The following DCLK1 variants were observed in gnomAD, a reference collection of about 807,000 sequenced individuals.
DCLK1 encodes doublecortin like kinase 1, also known as serine/threonine-protein kinase DCLK1.
In DCLK1, 16 loss-of-function variants were observed where a neutral mutation model predicts 86.2. The ratio of observed to expected loss-of-function variants is 0.19; its 90% CI spans 0.13 to 0.28. DCLK1 has a LOEUF of 0.28. DCLK1 is among the 10% of genes least tolerant of loss of function. The pLI, the probability that DCLK1 is intolerant of heterozygous loss-of-function variation, is 1.00. For missense variants in DCLK1, 590 were observed against 940.2 expected, an observed-to-expected ratio of 0.63 and a Z score of 4.87; for synonymous variants, 369 against 370.5, an observed-to-expected ratio of 1.00 and a Z score of 0.05.
At chr13:35,869,164 A>G (rs774946852) in intron 5 of DCLK1, 10 of 503,704 alleles carry the variant, frequency 2.0e-5, no homozygotes, top group African/African-American at 1.4e-4. Flanking sequence ...ACAGAGCTCA[A>G]TATTAACCTG....
chr13:35,948,994 A>T (rs1877526996), intron 3 of DCLK1, among the ~76,000 whole-genome samples: 1 of 152,156 alleles, frequency 6.6e-6, no homozygotes, highest in South Asian at 2.1e-4. Flanking sequence ...TTCTTCTAGC[A>T]TCATCTCAAT....
At chr13:35,877,282 C>T (rs942476889) in intron 4 of DCLK1, among the ~76,000 whole-genome samples, 1 of 152,166 alleles carries the variant, frequency 6.6e-6, no homozygotes, top group African/African-American at 2.4e-5. Flanking sequence ...TGGCCACATT[C>T]CCGGTGGCAG....
intron 3 of DCLK1, among the ~76,000 whole-genome samples, chr13:36,100,179 CAAAAAAAAAAAAAAAAAAA>C (rs58824322): frequency 2.4e-4 from 9 of 37,690 alleles, no homozygotes; most frequent in African/African-American, 7.8e-4. Context: ...CCTGTCTCTA[CAAAAAAAAAAAAAAAAAAA>C]AAAAAAAAAA....
chr13:36,090,653 C>T (rs1361262668), intron 3 of DCLK1, among the ~76,000 whole-genome samples: 1 of 152,134 alleles, frequency 6.6e-6, no homozygotes, highest in Non-Finnish European at 1.5e-5. Flanking sequence ...TCCAGGCCCA[C>T]CGTGAGAGCT....
chr13:36,100,563 C>T (rs1019793438), intron 3 of DCLK1, among the ~76,000 whole-genome samples: 1 of 152,106 alleles, frequency 6.6e-6, no homozygotes, highest in African/African-American at 2.4e-5. Flanking sequence ...GTATACAGAC[C>T]CCACTTATTT....
rs138217897 is a variant in DCLK1 at position 36,063,326 on chromosome 13, A to G, written c.723+48543T>C. On this transcript the variant is annotated intron_variant, in intron 3 of 16. Transcript: ENST00000360631. ...CCCAGGGATATTACAAGCGATGAAG[A>G]CAACAATGCTGAAGAGCCAGAGAGA... is the stretch of plus-strand genomic sequence containing the variant. 1.1e-3 allele frequency among the ~76,000 whole-genome samples: 174 copies of G among 152,254 alleles called. 1 individual carries two copies. The highest frequency in any genetic ancestry group is 4.0e-3 in the African/African-American group (167 of 41,560).
chr13:36,120,370 G>C (rs978295014), intron 2 of DCLK1, among the ~76,000 whole-genome samples: 1 of 152,098 alleles, frequency 6.6e-6, no homozygotes, highest in Non-Finnish European at 1.5e-5. Context: ...CCTTTTCTAT[G>C]TCTAGAGATG....
chr13:35,961,340 A>G (rs1270597347), intron 3 of DCLK1, among the ~76,000 whole-genome samples: 2 of 152,202 alleles, frequency 1.3e-5, no homozygotes, highest in African/African-American at 4.8e-5. Flanking sequence ...TTACTCTCAG[A>G]GTCAACTACC....
intron 8 of DCLK1, among the ~76,000 whole-genome samples, chr13:35,833,797 G>A (rs1389865269): frequency 6.6e-6 from 1 of 152,182 alleles, no homozygotes; most frequent in African/African-American, 2.4e-5. Context: ...TTAGAAGAAT[G>A]TTTTCTGATA....
intron 4 of DCLK1, among the ~76,000 whole-genome samples, chr13:35,931,594 C>G (rs1274624819): frequency 6.6e-6 from 1 of 151,698 alleles, no homozygotes; most frequent in Non-Finnish European, 1.5e-5. Context: ...ATGTTCTGTT[C>G]TAGGTGCCAT....
intron 6 of DCLK1, chr13:35,846,989 C>A (rs1318708250): frequency 1.0e-6 from 1 of 985,126 alleles, no homozygotes; most frequent in Middle Eastern, 5.2e-4. Context: ...TATTTATGTT[C>A]CAACATTATA....
intron 3 of DCLK1, among the ~76,000 whole-genome samples, chr13:36,025,918 C>T (rs1882014119): frequency 1.3e-5 from 2 of 151,298 alleles, no homozygotes; most frequent in South Asian, 2.1e-4. Context: ...CAACAATTTA[C>T]GTATCTAAGT....
chr13:35,778,489 C>T (rs543264765), intron 16 of DCLK1, among the ~76,000 whole-genome samples: 2 of 152,292 alleles, frequency 1.3e-5, no homozygotes, highest in African/African-American at 4.8e-5. Flanking sequence ...TGACCCTACT[C>T]CTATCTCTGG....
chr13:35,959,500 G>C (rs1308367598), intron 3 of DCLK1, among the ~76,000 whole-genome samples: 1 of 152,176 alleles, frequency 6.6e-6, no homozygotes, highest in Non-Finnish European at 1.5e-5. Flanking sequence ...AAGTAGGCCA[G>C]ATTGATTAAT....
intron 3 of DCLK1, among the ~76,000 whole-genome samples, chr13:36,039,143 A>G (rs1288460054): frequency 1.3e-5 from 2 of 152,224 alleles, no homozygotes; most frequent in Non-Finnish European, 2.9e-5. Flanking sequence ...AAAGATATAA[A>G]TATCTCATTT....
At chr13:36,043,957 A>C (rs1246287200) in intron 3 of DCLK1, among the ~76,000 whole-genome samples, 7 of 152,190 alleles carry the variant, frequency 4.6e-5, no homozygotes, top group African/African-American at 1.7e-4. Flanking sequence ...TATAGTCTGG[A>C]TATCTGTCCC....
rs1432736313 is a variant in DCLK1 at position 35,927,216 on chromosome 13, T to C, written c.823+20142A>G. Among the ~76,000 whole-genome samples, 5 of 152,232 alleles carry C rather than the reference T, an allele frequency of 3.3e-5. No individual in the cohort carries two copies. The East Asian group carries it at 7.7e-4, about 23-fold the overall frequency. On this transcript the variant is annotated intron_variant, in intron 4 of 16. Transcript: ENST00000360631. ...GAAGGAAATAATACATTGTGTGAAA[T>C]ATAAAGTCTACTCTACAAGCAAATG...
intron 3 of DCLK1, among the ~76,000 whole-genome samples, chr13:36,102,971 G>A (rs2138166601): frequency 6.6e-6 from 1 of 152,332 alleles, no homozygotes; most frequent in South Asian, 2.1e-4. Flanking sequence ...AAGTTAGAGA[G>A]GGAATGGCTT....
chr13:35,839,214 T>A, intron 6 of DCLK1, 38 bp from the exon 7 acceptor site: 1 of 1,536,364 alleles, frequency 6.5e-7, no homozygotes, highest in Non-Finnish European at 8.8e-7. Context: ...AAAAACTGGG[T>A]CAGAATGCCT....
Sources: allele counts gnomAD v4.1 joint callset (sites outside exome capture counted in the v4.1 genomes callset), GRCh38; gene constraint gnomAD v4.1.1; transcripts MANE v1.5; gene names NCBI Gene and HGNC (gene_info 2026-07-23, HGNC 2026-07-21).